Variants in CHD5 observed in about 807,000 individuals in gnomAD.
The protein encoded by CHD5 is chromodomain helicase DNA binding protein 5, also known as ATP-dependent chromatin remodeler CHD5.
Under a neutral mutation model 230.3 loss-of-function variants are expected in CHD5, and 69 were observed. The observed-to-expected ratio is 0.30, with a 90% CI of 0.25 to 0.37. The LOEUF (loss-of-function observed/expected upper bound fraction) is 0.37. Among genes scored for constraint, CHD5 ranks in the 10% least tolerant of loss-of-function variants. The pLI is 1.00. For synonymous variants in CHD5, 1,064 were observed against 1,065.9 expected, an observed-to-expected ratio of 1.00 and a Z score of 0.03; for missense variants, 1,827 against 2,622.8, an observed-to-expected ratio of 0.70 and a Z score of 6.63.
At chr1:6,174,156 AG>A (rs1233217676) in intron 1 of CHD5, among the ~76,000 whole-genome samples, 2 of 151,942 alleles carry the variant, frequency 1.3e-5, no homozygotes, top group African/African-American at 4.8e-5. Flanking sequence ...GACAAAAGAG[AG>A]AAAAACGGCC....
intron 38 of CHD5, among the ~76,000 whole-genome samples, chr1:6,109,384 G>C (rs1174838735): frequency 1.3e-5 from 2 of 152,202 alleles, no homozygotes; most frequent in African/African-American, 4.8e-5. Context: ...CCAAAGCTCT[G>C]AATCCTGGGA....
rs146510214 is a variant in CHD5, at chr1:6,143,861, C to T, written c.2005G>A (p.Asp669Asn). 25 of 1,585,980 alleles carry T rather than the reference C, an allele frequency of 1.6e-5. 1 individual carries two copies. The highest frequency in any genetic ancestry group is 3.7e-4 in the Middle Eastern group (2 of 5,466). ...GTGTCCGGCGGCTTCTCCTGCTTGT[C>T]GTCCCTCAGCTTCTTGCCCTTCTTG... The part of the protein sequence containing the change: ...LLKKGKKLRD[D>N]KQEKPPDTPI... Residue 669 changes from aspartate (D) to asparagine (N), a missense_variant, in exon 13 of 42, where the codon GAC becomes AAC. By Grantham distance (23) the Asp-to-Asn change is conservative. Coordinates refer to ENST00000262450, the MANE Select transcript of CHD5 (RefSeq NM_015557.3).
rs1464066058 is a variant in CHD5, at chr1:6,131,390, C to G, written c.3262+241G>C. Reference sequence around the variant, plus strand: ...TCACCTGGCGTCAATATTAGAGGCCCCGTCTGCGTTTCTCATTGTCTAACT... The same window carrying G: ...TCACCTGGCGTCAATATTAGAGGCCGCGTCTGCGTTTCTCATTGTCTAACT... On this transcript the variant is annotated intron_variant, in intron 21 of 41. Coordinates refer to ENST00000262450, the MANE Select transcript of CHD5 (RefSeq NM_015557.3). This position sits in a 1 kb window ranked among gnomAD's most constrained non-coding sequence, Gnocchi z 5.0. 2.0e-5 allele frequency among the ~76,000 whole-genome samples: 3 copies of G among 152,182 alleles called. No individual in the cohort carries two copies. Among genetic ancestry groups the G allele is most frequent in the African/African-American group, 7.2e-5 (3 of 41,450 alleles).
chr1:6,127,983 G>GTGGGGGCGGGGCTGCGGA (rs1666589315), intron 25 of CHD5, 63 bp downstream of exon 25: 5 of 1,383,482 alleles, frequency 3.6e-6, no homozygotes, highest in Non-Finnish European at 4.8e-6. Flanking sequence ...CGTGGACACA[G>GTGGGGGCGGGGCTGCGGA]TGGGGGGCGG....
At chr1:6,171,644 G>A (rs147965519) in intron 1 of CHD5, among the ~76,000 whole-genome samples, 129 of 152,332 alleles carry the variant, frequency 8.5e-4, no homozygotes, top group African/African-American at 3.0e-3. Flanking sequence ...GCAACTGCAC[G>A]GTCAGCCTTT....
chr1:6,143,511 C>T (rs986156779), intron 13 of CHD5, among the ~76,000 whole-genome samples: 1 of 152,148 alleles, frequency 6.6e-6, no homozygotes, highest in Non-Finnish European at 1.5e-5. Flanking sequence ...GAAACAGCTA[C>T]CCAGGGCTCA....
At chr1:6,147,349 C>G (rs1017690883) in intron 9 of CHD5, among the ~76,000 whole-genome samples, 1 of 152,198 alleles carries the variant, frequency 6.6e-6, no homozygotes, top group Non-Finnish European at 1.5e-5. Context: ...ACACGGCAGC[C>G]CCATCCACCA....
In CHD5 at chr1:6,111,799, T is replaced by G. The variant is rs1017414532; in HGVS notation, c.5225A>C (p.Tyr1742Ser). The change falls in exon 36 of 42, where the codon TAC becomes TCC. Residue 1742 changes from tyrosine to serine, a missense_variant. Transcript: ENST00000262450. The stretch of plus-strand genomic sequence containing the variant: ...CGTCACGATGCCCGCCAGCAGCCAG[T>G]AGTCATGGCGCCGGTGCCAGATGTC... ...IYDIWHRRHD[Y>S]WLLAGIVTHG... 11 of 1,613,318 alleles carry G rather than the reference T, an allele frequency of 6.8e-6. No individual in the cohort carries two copies. In the Admixed American group the frequency reaches 1.7e-4, roughly 24 times the overall value.
chr1:6,127,102 G>A (rs1312481463), intron 25 of CHD5: 2 of 275,216 alleles, frequency 7.3e-6, no homozygotes, highest in East Asian at 9.8e-5. Flanking sequence ...ACGGAGGGTG[G>A]GGAGCAGAGG....
chr1:6,112,390 C>T, intron 34 of CHD5, 113 bp from the exon 35 acceptor site: 1 of 1,310,152 alleles, frequency 7.6e-7, no homozygotes, highest in Non-Finnish European at 1.1e-6. Flanking sequence ...ATCCTCTTGT[C>T]CTCAGGGGAC....
At chr1:6,169,980 C>T (rs12138670) in intron 1 of CHD5, among the ~76,000 whole-genome samples, 10 of 152,044 alleles carry the variant, frequency 6.6e-5, no homozygotes, top group South Asian at 2.1e-4. Flanking sequence ...TGGGACCCCG[C>T]GGAGGACGAG....
At position 6,105,708 on chromosome 1, in the gene CHD5, G is replaced by C. The variant is rs113909809; in HGVS notation, c.*47-281C>G. Among the ~76,000 whole-genome samples, 5 of 152,220 alleles carry C rather than the reference G, an allele frequency of 3.3e-5. No homozygotes were observed. The highest frequency in any genetic ancestry group is 2.0e-4 in the Admixed American group (3 of 15,292). Reference sequence around the variant, plus strand: ...CGGTTCCCACAGGGACAGACACAGCGTAGTGGAGGCTGGTGGCCCCAGAGA... The same window carrying C: ...CGGTTCCCACAGGGACAGACACAGCCTAGTGGAGGCTGGTGGCCCCAGAGA... On this transcript the variant is annotated intron_variant, in intron 41 of 41. Transcript: ENST00000262450. The surrounding 1 kb of genome is among the most constrained non-coding windows in gnomAD (Gnocchi z 4.8).
At chr1:6,135,481 T>A in intron 17 of CHD5, 78 bp from the exon 18 acceptor site, 2 of 1,328,670 alleles carry the variant, frequency 1.5e-6, no homozygotes, top group Non-Finnish European at 2.1e-6. Flanking sequence ...GCCTAGCCCA[T>A]GTAGGCCGGC....
In CHD5 at chr1:6,106,699, G is replaced by C; in HGVS notation, c.5659C>G (p.Pro1887Ala). 6.2e-7 allele frequency: 1 copy of C among 1,611,856 alleles called. No homozygotes were observed. The highest frequency in any genetic ancestry group is 8.5e-7 in the Non-Finnish European group (1 of 1,179,716). The part of the protein sequence containing the change: ...RLPSMLSRIP[P>A]VAARLQMSER... ...GACATCTGCAGCCGGGCGGCCACCG[G>C]GGGGATGCGGGACAGCATGGATGGC... Residue 1887 changes from proline (P) to alanine (A), a missense_variant, in exon 39 of 42, where the codon CCG (proline) becomes GCG (alanine). Physicochemically the swap from Pro to Ala is conservative, Grantham distance 27 (BLOSUM62 -1). This residue lies in a region of CHD5 where 208 missense variants were observed against 302.0 expected (regional missense o/e 0.69). Transcript: ENST00000262450.
intron 1 of CHD5, among the ~76,000 whole-genome samples, chr1:6,178,825 T>G (rs1473295253): frequency 6.6e-6 from 1 of 152,084 alleles, no homozygotes; most frequent in Non-Finnish European, 1.5e-5. Context: ...GGCTGCTTCC[T>G]CCAACAGGAG....
chr1:6,151,364 C>T (rs1392599100), intron 6 of CHD5, among the ~76,000 whole-genome samples: 1 of 152,214 alleles, frequency 6.6e-6, no homozygotes, highest in African/African-American at 2.4e-5. Context: ...GAGCCCTGCT[C>T]TCCAGCCTCA....
chr1:6,106,371 T>C (rs907572663), intron 40 of CHD5, 24 bp downstream of exon 40: 4 of 1,609,588 alleles, frequency 2.5e-6, no homozygotes, highest in South Asian at 2.2e-5. Context: ...GTGTGCATGC[T>C]GCCCGGAGCG....
chr1:6,144,910 C>T (rs1666887391), intron 11 of CHD5, among the ~76,000 whole-genome samples: 1 of 152,254 alleles, frequency 6.6e-6, no homozygotes, highest in Admixed American at 6.5e-5. Flanking sequence ...TTTTCCCATA[C>T]ATAATTGATT....
intron 38 of CHD5, among the ~76,000 whole-genome samples, chr1:6,108,405 T>G (rs1158765916): frequency 2.8e-5 from 3 of 106,200 alleles, no homozygotes; most frequent in African/African-American, 3.8e-5. Flanking sequence ...GATGGACGGG[T>G]AGAGAGATGG....
Sources: gnomAD v4.1 joint callset for allele counts (sites outside exome capture counted in the v4.1 genomes callset) on GRCh38, gnomAD v4.1.1 for gene constraint, gnomAD v4.1.1 regional missense constraint, Gnocchi (gnomAD v3.1) non-coding constraint, MANE v1.5 for transcripts, NCBI Gene and HGNC (gene_info 2026-07-23, HGNC 2026-07-21) for gene names.